Variants in NLGN4X observed in about 807,000 individuals in gnomAD.
The protein encoded by NLGN4X is neuroligin-4, X-linked.
NLGN4X carries 3 observed loss-of-function variants against 40.3 expected under a neutral mutation model. The ratio of observed to expected loss-of-function variants is 0.07; its 90% CI spans 0.03 to 0.19. The LOEUF (loss-of-function observed/expected upper bound fraction) is 0.19, where lower values mean the gene tolerates loss of function less well. Among genes scored for constraint, NLGN4X ranks in the 10% least tolerant of loss-of-function variants. NLGN4X has a pLI of 1.00. For synonymous variants in NLGN4X, 270 were observed against 306.8 expected, an observed-to-expected ratio of 0.88 and a Z score of 1.25; for missense variants, 382 against 708.3, an observed-to-expected ratio of 0.54 and a Z score of 5.23.
chrX:6,049,249 G>GGGGAGGGGAA (rs2037412687), intron 2 of NLGN4X, among the ~76,000 whole-genome samples: 2 of 20,657 alleles, frequency 9.7e-5, no homozygotes, highest in African/African-American at 2.7e-4. Context: ...GGGGAGGGGA[G>GGGGAGGGGAA]GGGAGGGGAG....
At chrX:5,897,508 C>A (rs919364742) in intron 5 of NLGN4X, among the ~76,000 whole-genome samples, 1 of 112,043 alleles carries the variant, frequency 8.9e-6, no homozygotes, top group Non-Finnish European at 1.9e-5. Flanking sequence ...TACAATGCCT[C>A]TGCATGTTTG....
intron 3 of NLGN4X, among the ~76,000 whole-genome samples, chrX:5,944,005 C>G (rs912046774): frequency 3.6e-5 from 4 of 111,699 alleles, no homozygotes; most frequent in South Asian, 3.7e-4. Context: ...TTGGGGACAC[C>G]CTTTTTGCCT....
chrX:6,081,312 T>C (rs2038342960), intron 2 of NLGN4X, among the ~76,000 whole-genome samples: 1 of 111,650 alleles, frequency 9.0e-6, no homozygotes, highest in African/African-American at 3.3e-5. Context: ...AGACGGGGTC[T>C]CATTATGTTG....
chrX:5,899,865 A>G (rs1030458399), intron 5 of NLGN4X, among the ~76,000 whole-genome samples: 1 of 111,942 alleles, frequency 8.9e-6, no homozygotes, highest in African/African-American at 3.3e-5. Flanking sequence ...TAAGATAATC[A>G]TATAAAGTTT....
chrX:6,084,624 G>A (rs991995476), intron 2 of NLGN4X, among the ~76,000 whole-genome samples: 3 of 111,763 alleles, frequency 2.7e-5, no homozygotes, highest in Non-Finnish European at 5.6e-5. Context: ...TGTGTTCCCC[G>A]AATTCATGCG....
intron 1 of NLGN4X, among the ~76,000 whole-genome samples, chrX:6,155,902 T>C (rs1449661850): frequency 8.9e-6 from 1 of 112,333 alleles, no homozygotes; most frequent in Non-Finnish European, 1.9e-5. Flanking sequence ...CAACAGATGC[T>C]GTTGCGGCTG....
intron 3 of NLGN4X, among the ~76,000 whole-genome samples, chrX:5,967,288 T>C (rs2034861638): frequency 8.9e-6 from 1 of 112,250 alleles, no homozygotes; most frequent in Non-Finnish European, 1.9e-5. Context: ...TCAAAAATGA[T>C]GGTCAGCGCA....
At chrX:6,217,584 T>G (rs1239819838) in intron 1 of NLGN4X, among the ~76,000 whole-genome samples, 2 of 111,952 alleles carry the variant, frequency 1.8e-5, no homozygotes, top group Non-Finnish European at 3.8e-5. Context: ...TACCGTTTAA[T>G]CTCTACCATG....
chrX:6,113,442 T>C (rs2039198639), intron 2 of NLGN4X, among the ~76,000 whole-genome samples: 1 of 111,376 alleles, frequency 9.0e-6, no homozygotes, highest in South Asian at 3.8e-4. Flanking sequence ...TCAGATCATG[T>C]AGTAAAAAAG....
chrX:5,914,337 C>T (rs1160468247), intron 3 of NLGN4X, among the ~76,000 whole-genome samples: 1 of 111,567 alleles, frequency 9.0e-6, no homozygotes, highest in Non-Finnish European at 1.9e-5. Context: ...AGAATGACTG[C>T]AGGTCTTTTG....
chrX:6,163,250 T>G (rs1241654249), intron 1 of NLGN4X, among the ~76,000 whole-genome samples: 1 of 112,249 alleles, frequency 8.9e-6, no homozygotes, highest in Non-Finnish European at 1.9e-5. Flanking sequence ...ATACAGTACA[T>G]ATATGTAAAC....
chrX:6,010,839 T>C (rs936942914), intron 3 of NLGN4X, among the ~76,000 whole-genome samples: 1 of 111,285 alleles, frequency 9.0e-6, no homozygotes, highest in African/African-American at 3.3e-5. Flanking sequence ...AAATATCTTT[T>C]TCTACATCAA....
At chrX:5,963,198 A>C (rs1448715286) in intron 3 of NLGN4X, among the ~76,000 whole-genome samples, 1 of 111,193 alleles carries the variant, frequency 9.0e-6, no homozygotes, top group African/African-American at 3.3e-5. Flanking sequence ...GAAAGCCTCA[A>C]TCATCTTAGG....
At chrX:5,899,030 T>C (rs978335204) in intron 5 of NLGN4X, among the ~76,000 whole-genome samples, 1 of 112,243 alleles carries the variant, frequency 8.9e-6, no homozygotes, top group African/African-American at 3.2e-5. Context: ...TGCCCGACAG[T>C]GAAATTCCCC....
intron 1 of NLGN4X, among the ~76,000 whole-genome samples, chrX:6,208,290 C>A (rs1924216645): frequency 8.9e-6 from 1 of 112,385 alleles, no homozygotes; most frequent in Admixed American, 9.5e-5. Context: ...TTTCGTTCTG[C>A]ACTTTGTTCT....
At chrX:6,141,106 C>T (rs1176806991) in intron 2 of NLGN4X, among the ~76,000 whole-genome samples, 3 of 111,442 alleles carry the variant, frequency 2.7e-5, no homozygotes, top group African/African-American at 9.8e-5. Flanking sequence ...ATCTCACAAA[C>T]TCTCTGTGGC....
At chrX:5,949,394 A>C (rs763500985) in intron 3 of NLGN4X, among the ~76,000 whole-genome samples, 2 of 111,706 alleles carry the variant, frequency 1.8e-5, no homozygotes, top group Non-Finnish European at 3.8e-5. Context: ...CCAGGGATAA[A>C]GACGACTGTC....
chrX:5,923,571 A>G (rs1198121840), intron 3 of NLGN4X, among the ~76,000 whole-genome samples: 1 of 112,409 alleles, frequency 8.9e-6, no homozygotes, highest in Non-Finnish European at 1.9e-5. Context: ...GGCATGTCTC[A>G]CATGGCAGCA....
chrX:6,189,609 T>C (rs1488202376), intron 1 of NLGN4X, among the ~76,000 whole-genome samples: 1 of 112,143 alleles, frequency 8.9e-6, no homozygotes, highest in Non-Finnish European at 1.9e-5. Flanking sequence ...CCCTTTGGGT[T>C]TCATAAAGTG....
Sources: allele counts gnomAD v4.1 joint callset (sites outside exome capture counted in the v4.1 genomes callset), GRCh38; gene constraint gnomAD v4.1.1; transcripts MANE v1.5; gene names NCBI Gene and HGNC (gene_info 2026-07-23, HGNC 2026-07-21).